PPP4R1: variants seen among roughly 807,000 people sequenced by gnomAD.
PPP4R1 encodes serine/threonine-protein phosphatase 4 regulatory subunit 1.
PPP4R1 carries 42 observed loss-of-function variants against 111.2 expected under a neutral mutation model. That is an observed-to-expected ratio of 0.38 (90% CI 0.29 to 0.49). The LOEUF (loss-of-function observed/expected upper bound fraction) is 0.49. Among genes scored for constraint, PPP4R1 ranks in the 20% least tolerant of loss-of-function variants. PPP4R1 has a pLI of 0.97. For synonymous variants in PPP4R1, 409 were observed against 405.5 expected (o/e 1.01, Z -0.10); for missense variants, 1,012 against 1,161.6 (o/e 0.87, Z 1.87).
intron 15 of PPP4R1, among the ~76,000 whole-genome samples, chr18:9,553,674 C>T (rs923243515): frequency 1.3e-5 from 2 of 152,212 alleles, no homozygotes; most frequent in Non-Finnish European, 2.9e-5. Context: ...CGCTAAACCC[C>T]ACAGTACCCC....
At chr18:9,571,585 C>T (rs2066861892) in intron 10 of PPP4R1, among the ~76,000 whole-genome samples, 1 of 152,120 alleles carries the variant, frequency 6.6e-6, no homozygotes, top group Non-Finnish European at 1.5e-5. Context: ...CAGATGCAAG[C>T]ACACTGAACA....
chr18:9,588,565 G>A (rs183015126), intron 5 of PPP4R1, 146 bp downstream of exon 5: 1 of 927,576 alleles, frequency 1.1e-6, no homozygotes, highest in African/African-American at 1.7e-5. Flanking sequence ...TACTAGATTT[G>A]TCAGACTCTA....
In PPP4R1 at chr18:9,570,533, A is replaced by G. The variant is rs565458026; in HGVS notation, c.1197T>C (p.Ser399=). The G allele has an allele frequency of 1.5e-5, 24 of 1,614,192 alleles. 1 individual carries two copies. The East Asian group carries it at 4.5e-4, about 30-fold the overall frequency. ...AAAGTAAAGAGCTGTCCAGTGGAAC[A>G]CTAATTTCACCTAGAGGCTTCCCGG... ...EASGKPLGEI[S]VPLDSSLLCT... Residue 399 remains serine (S), a synonymous_variant, in exon 11 of 20, where the codon AGT becomes AGC. Transcript: ENST00000400556.
chr18:9,563,066 G>A, intron 12 of PPP4R1: 6 of 1,048,992 alleles, frequency 5.7e-6, no homozygotes, highest in Non-Finnish European at 6.9e-6. Context: ...GAAAAGGGAA[G>A]AGTTAATTAT....
chr18:9,576,322 C>A (rs1421103732), intron 10 of PPP4R1, among the ~76,000 whole-genome samples: 1 of 152,076 alleles, frequency 6.6e-6, no homozygotes, highest in Admixed American at 6.6e-5. Flanking sequence ...ACTTCAAGTG[C>A]ATAACTGTAA....
chr18:9,560,550 G>A (rs1180619665), intron 13 of PPP4R1, among the ~76,000 whole-genome samples: 1 of 151,954 alleles, frequency 6.6e-6, no homozygotes, highest in Admixed American at 6.6e-5. Flanking sequence ...TGAATTTTGA[G>A]CTACATAAAC....
At chr18:9,598,267 G>T (rs2067322491) in intron 2 of PPP4R1, among the ~76,000 whole-genome samples, 1 of 152,076 alleles carries the variant, frequency 6.6e-6, no homozygotes, top group Admixed American at 6.5e-5. Flanking sequence ...AAGAAATAAT[G>T]GACAAAATTT....
intron 2 of PPP4R1, among the ~76,000 whole-genome samples, chr18:9,607,605 T>G (rs975482007): frequency 3.3e-5 from 5 of 152,080 alleles, no homozygotes; most frequent in African/African-American, 1.2e-4. Flanking sequence ...TAGCCATTAA[T>G]GCAAATTCAA....
At chr18:9,556,287 G>T (rs1039786460) in intron 15 of PPP4R1, among the ~76,000 whole-genome samples, 1 of 151,444 alleles carries the variant, frequency 6.6e-6, no homozygotes, top group Non-Finnish European at 1.5e-5. Flanking sequence ...CCACCTCCTG[G>T]GCTCAAGCGA....
chr18:9,598,466 G>A (rs935961777), intron 2 of PPP4R1, among the ~76,000 whole-genome samples: 1 of 152,110 alleles, frequency 6.6e-6, no homozygotes, highest in Non-Finnish European at 1.5e-5. Flanking sequence ...AGAATGATAG[G>A]AGACTTTTCC....
chr18:9,550,612 G>T, intron 16 of PPP4R1: 1 of 555,714 alleles, frequency 1.8e-6, no homozygotes, highest in Non-Finnish European at 3.1e-6. Flanking sequence ...TCCTTAGAGT[G>T]TAAGGAAAAC....
intron 2 of PPP4R1, among the ~76,000 whole-genome samples, chr18:9,598,156 A>T (rs1250191774): frequency 1.3e-5 from 2 of 152,200 alleles, no homozygotes; most frequent in African/African-American, 4.8e-5. Flanking sequence ...ATGGGGGAGG[A>T]AGAGAATTAA....
chr18:9,566,151 T>A (rs933180353), intron 11 of PPP4R1, among the ~76,000 whole-genome samples: 3 of 151,764 alleles, frequency 2.0e-5, no homozygotes, highest in Non-Finnish European at 4.4e-5. Context: ...CCTCAGATGA[T>A]CCACCCACCT....
intron 2 of PPP4R1, among the ~76,000 whole-genome samples, chr18:9,611,068 T>TC (rs2067571492): frequency 3.3e-5 from 5 of 152,176 alleles, no homozygotes; most frequent in Admixed American, 3.3e-4. Context: ...TGCCCCTCTT[T>TC]CAAGTCCTAG....
In PPP4R1 at chr18:9,547,494, CA is replaced by C. The variant is rs2066418438; in HGVS notation, c.*294del. ...CCCTTCCATAAGGAAAATGCTCTGC[CA>C]ATTCAAGTTTCATTCAGTCAGGAAG... is the stretch of plus-strand genomic sequence containing the variant. On this transcript the variant is annotated 3_prime_UTR_variant, in exon 20 of 20. Coordinates refer to ENST00000400556, the MANE Select transcript of PPP4R1 (RefSeq NM_001042388.3). The C allele has an allele frequency of 3.9e-6, 1 of 259,506 alleles. No individual in the cohort carries two copies. Among genetic ancestry groups the C allele is most frequent in the Admixed American group, 4.9e-5 (1 of 20,526 alleles). The allele number at this position is 259,506 out of a possible 1,614,324, so 16.1% of individuals were successfully genotyped here.
chr18:9,552,993 T>G (rs1261145437), intron 16 of PPP4R1, among the ~76,000 whole-genome samples: 3 of 152,206 alleles, frequency 2.0e-5, no homozygotes, highest in Non-Finnish European at 4.4e-5. Context: ...GGGTTTTTCT[T>G]TTCGGGAGGT....
intron 13 of PPP4R1, among the ~76,000 whole-genome samples, chr18:9,560,259 C>T (rs757116706): frequency 7.9e-5 from 12 of 151,768 alleles, no homozygotes; most frequent in East Asian, 5.8e-4. Flanking sequence ...CCAGCCTGGG[C>T]GACAGAGTGA....
intron 14 of PPP4R1, among the ~76,000 whole-genome samples, chr18:9,558,173 G>A (rs999359182): frequency 8.5e-5 from 13 of 152,098 alleles, no homozygotes; most frequent in Non-Finnish European, 5.9e-5. Flanking sequence ...AGCAAACACT[G>A]TATTTCCTTT....
intron 6 of PPP4R1, among the ~76,000 whole-genome samples, chr18:9,586,521 A>C (rs1330906737): frequency 6.6e-6 from 1 of 152,164 alleles, no homozygotes; most frequent in Non-Finnish European, 1.5e-5. Context: ...ATGTCATGTA[A>C]GGTTCACTTC....
Sources: gnomAD v4.1 joint callset for allele counts (sites outside exome capture counted in the v4.1 genomes callset) on GRCh38, gnomAD v4.1.1 for gene constraint, MANE v1.5 for transcripts, NCBI Gene and HGNC (gene_info 2026-07-23, HGNC 2026-07-21) for gene names.